The following PML variants were observed in gnomAD, a reference collection of about 807,000 sequenced individuals.
PML encodes the protein protein PML.
Under a neutral mutation model 65.2 loss-of-function variants are expected in PML, and 28 were observed. The observed-to-expected ratio is 0.43, with a 90% CI of 0.32 to 0.59. The LOEUF (loss-of-function observed/expected upper bound fraction) is 0.59, where lower values mean the gene tolerates loss of function less well. Ranked by LOEUF, PML falls within the 20% of genes least tolerant of loss-of-function variation. The pLI is 0.08. For missense variants in PML, 1,021 were observed against 1,203.4 expected, an observed-to-expected ratio of 0.85 and a Z score of 2.24; for synonymous variants, 500 against 508.8, an observed-to-expected ratio of 0.98 and a Z score of 0.23.
At chr15:74,003,650 A>C (rs557036154) in intron 2 of PML, among the ~76,000 whole-genome samples, 21 of 152,034 alleles carry the variant, frequency 1.4e-4, no homozygotes, top group Non-Finnish European at 2.5e-4. Context: ...CCAAATTGTT[A>C]ATTTTTTTTT....
intron 7 of PML, chr15:74,034,937 A>AT: frequency 2.7e-6 from 4 of 1,457,038 alleles, no homozygotes; most frequent in South Asian, 2.9e-5. Context: ...GGGCAGCTAT[A>AT]TAGGGGCCAA....
chr15:74,034,657 G>A, intron 7 of PML, 127 bp downstream of exon 7: 2 of 1,596,390 alleles, frequency 1.3e-6, no homozygotes, highest in Non-Finnish European at 1.7e-6. Context: ...GAGGCATTGA[G>A]TCCCAAGCTG....
intron 4 of PML, among the ~76,000 whole-genome samples, chr15:74,030,509 C>T (rs1297371458): frequency 9.9e-5 from 15 of 152,046 alleles, no homozygotes; most frequent in Non-Finnish European, 1.6e-4. Flanking sequence ...ATTAGCTGGG[C>T]GTGGGGCTGT....
chr15:74,033,325 A>G lies in PML; in HGVS notation c.1568A>G (p.Asp523Gly). 6.2e-7 allele frequency: 1 copy of G among 1,614,170 alleles called. No individual in the cohort carries two copies. The highest frequency in any genetic ancestry group is 8.5e-7 in the Non-Finnish European group (1 of 1,180,016). Residue 523 changes from aspartate to glycine, a missense_variant, in exon 6 of 9, where the codon GAT (aspartate) becomes GGT (glycine). Physicochemically the swap from Asp to Gly is moderately conservative, Grantham distance 94 (BLOSUM62 -1). Transcript: ENST00000268058. ...AAGGCAGTCTCACCACCCCACCTGGATGGACCGCCTAGCCCCAGGAGCCCC... is the reference window on the plus strand; with the variant it reads ...AAGGCAGTCTCACCACCCCACCTGGGTGGACCGCCTAGCCCCAGGAGCCCC... Reference protein sequence around the residue: ...TSKAVSPPHLDGPPSPRSPVI... With the variant: ...TSKAVSPPHLGGPPSPRSPVI...
At chr15:74,025,125 C>A in intron 4 of PML, 198 bp downstream of exon 4, 1 of 586,310 alleles carries the variant, frequency 1.7e-6, no homozygotes, top group Non-Finnish European at 3.1e-6. Context: ...TGACTCTAGG[C>A]TCCTAAATGC....
At chr15:74,007,300 A>C (rs1253628754) in intron 2 of PML, among the ~76,000 whole-genome samples, 1 of 152,184 alleles carries the variant, frequency 6.6e-6, no homozygotes, top group African/African-American at 2.4e-5. Flanking sequence ...CAAAACAATC[A>C]TATGCCAAAG....
chr15:73,996,630 T>C (rs1412135025), intron 1 of PML, among the ~76,000 whole-genome samples: 1 of 152,254 alleles, frequency 6.6e-6, no homozygotes, highest in Non-Finnish European at 1.5e-5. Flanking sequence ...ATAAATGCCT[T>C]TCTTTTTTAC....
chr15:74,000,037 A>G lies in PML; in HGVS notation c.602+1561A>G, dbSNP rs556773378. On this transcript the variant is annotated intron_variant, in intron 2 of 8. Coordinates refer to ENST00000268058, the MANE Select transcript of PML (RefSeq NM_033238.3). ...TTTTTAGTAGAGACAGGGTTTCACT[A>G]TAATGGTCAGGCTGGTCTCCTGACC... Among the ~76,000 whole-genome samples the G allele has an allele frequency of 3.0e-3, 462 of 152,144 alleles. 1 individual carries two copies. The highest frequency in any genetic ancestry group is 5.5e-3 in the Non-Finnish European group (374 of 68,004).
intron 7 of PML, among the ~76,000 whole-genome samples, chr15:74,039,156 AGGAAG>A (rs2071642493): frequency 6.6e-6 from 1 of 152,128 alleles, no homozygotes; most frequent in African/African-American, 2.4e-5. Flanking sequence ...GTGACGGCGG[AGGAAG>A]GGAGGCCTGT....
chr15:74,010,106 C>T (rs558740942), intron 2 of PML, among the ~76,000 whole-genome samples: 5 of 151,458 alleles, frequency 3.3e-5, no homozygotes, highest in African/African-American at 1.2e-4. Flanking sequence ...CTTGACCTCC[C>T]AGGCCCAAGT....
Position 74,023,122 on chromosome 15 carries a change from G to T in PML, c.897G>T (p.Glu299Asp). The T allele has an allele frequency of 6.2e-7, 1 of 1,604,458 alleles. No homozygotes were observed. Residue 299 changes from glutamate (E) to aspartate (D), a missense_variant, in exon 3 of 9, where the codon GAG becomes GAT. Glu to Asp is a conservative substitution (Grantham distance 45). Coordinates refer to ENST00000268058, the MANE Select transcript of PML (RefSeq NM_033238.3). ...GGGCTCAGGAGCGCGAGCTGCTGGA[G>T]GCTGTGGACGCGCGGTACCAGCGCG... The part of the protein sequence containing the change: ...HVRAQERELL[E>D]AVDARYQRDY...
chr15:73,998,937 C>T (rs2069633894), intron 2 of PML, among the ~76,000 whole-genome samples: 1 of 152,134 alleles, frequency 6.6e-6, no homozygotes, highest in Admixed American at 6.5e-5. Flanking sequence ...ACCATTAACA[C>T]CAGGCAGCGC....
In PML at chr15:74,042,624, C is replaced by T; in HGVS notation, c.1711-365C>T. On this transcript the variant is annotated intron_variant, in intron 7 of 8. Coordinates refer to ENST00000268058, the MANE Select transcript of PML (RefSeq NM_033238.3). This position sits in a 1 kb window ranked among gnomAD's most constrained non-coding sequence, Gnocchi z 5.3. ...GCACACACCCACTGGCATTTTCTCTCACACTTTCATACACTTGTGTCAACG... is the reference window on the plus strand; with the variant it reads ...GCACACACCCACTGGCATTTTCTCTTACACTTTCATACACTTGTGTCAACG... The T allele has an allele frequency of 2.0e-6, 2 of 985,452 alleles. 1 individual carries two copies. Among genetic ancestry groups the T allele is most frequent in the Non-Finnish European group, 2.4e-6 (2 of 829,944 alleles). 61.0% of individuals were successfully genotyped at this position (985,452 alleles called of 1,614,324 possible).
intron 2 of PML, among the ~76,000 whole-genome samples, chr15:74,010,943 A>G (rs2070307213): frequency 6.6e-6 from 1 of 152,244 alleles, no homozygotes; most frequent in Non-Finnish European, 1.5e-5. Flanking sequence ...AACAAACTGT[A>G]TAAATTAGTG....
At chr15:74,026,464 C>G (rs1215680719) in intron 4 of PML, 1 of 152,224 alleles carries the variant, frequency 6.6e-6, no homozygotes, top group African/African-American at 2.4e-5. Context: ...GCCACTGTGC[C>G]CAGCCTAAAA....
chr15:74,035,527 A>G lies in PML; in HGVS notation c.1710+997A>G. ...GCCCCTATTCGGACTTGGTCTCCCC[A>G]TGTGGTCCAAGCCAGCACTCCTGCC... On this transcript the variant is annotated intron_variant, in intron 7 of 8. Transcript: ENST00000268058. The surrounding 1 kb of genome is among the most constrained non-coding windows in gnomAD (Gnocchi z 4.1). The G allele has an allele frequency of 6.2e-7, 1 of 1,610,986 alleles. No individual in the cohort carries two copies. Among genetic ancestry groups the G allele is most frequent in the Non-Finnish European group, 8.5e-7 (1 of 1,179,382 alleles).
chr15:74,001,618 G>C (rs953598726), intron 2 of PML, among the ~76,000 whole-genome samples: 1 of 152,192 alleles, frequency 6.6e-6, no homozygotes, highest in Non-Finnish European at 1.5e-5. Flanking sequence ...TGGGATTACA[G>C]GCGTGAGCTA....
At chr15:74,020,377 C>T (rs2070781367) in intron 2 of PML, among the ~76,000 whole-genome samples, 1 of 150,372 alleles carries the variant, frequency 6.7e-6, no homozygotes. Flanking sequence ...GTAACCTCCA[C>T]CTCCTGGGTT....
chr15:74,012,506 C>T (rs746553658), intron 2 of PML, among the ~76,000 whole-genome samples: 3 of 152,096 alleles, frequency 2.0e-5, no homozygotes, highest in Admixed American at 1.3e-4. Flanking sequence ...GATGGGGTTT[C>T]GCCATGTTGG....
Sources: allele counts gnomAD v4.1 joint callset (sites outside exome capture counted in the v4.1 genomes callset), GRCh38; gene constraint gnomAD v4.1.1; non-coding constraint Gnocchi (gnomAD v3.1); transcripts MANE v1.5; gene names NCBI Gene and HGNC (gene_info 2026-07-23, HGNC 2026-07-21).